The following CRPPA variants were observed in gnomAD, a reference collection of about 807,000 sequenced individuals.
The protein encoded by CRPPA is CDP-L-ribitol pyrophosphorylase A.
Under a neutral mutation model 52.0 loss-of-function variants are expected in CRPPA, and 43 were observed. The observed-to-expected ratio is 0.83, with a 90% CI of 0.65 to 1.07. The LOEUF is 1.07. CRPPA is among the 50% of genes least tolerant of loss of function. The pLI is 0.00. For missense variants in CRPPA, 629 were observed against 551.7 expected, an observed-to-expected ratio of 1.14 and a Z score of -1.40; for synonymous variants, 250 against 203.5, an observed-to-expected ratio of 1.23 and a Z score of -1.94.
intron 9 of CRPPA, among the ~76,000 whole-genome samples, chr7:16,124,926 AG>A (rs1782547145): frequency 6.6e-6 from 1 of 152,076 alleles, no homozygotes; most frequent in Non-Finnish European, 1.5e-5. Context: ...AAGACAAAAA[AG>A]AAAGAATAGC....
intron 3 of CRPPA, among the ~76,000 whole-genome samples, chr7:16,356,838 A>G (rs111857675): frequency 7.2e-5 from 11 of 152,200 alleles, no homozygotes; most frequent in African/African-American, 1.9e-4. Context: ...AGTTTTAACT[A>G]CATACTGAGC....
chr7:16,145,644 A>G (rs1782960814), intron 9 of CRPPA, among the ~76,000 whole-genome samples: 1 of 151,684 alleles, frequency 6.6e-6, no homozygotes. Flanking sequence ...AACTATCATA[A>G]AAAAAAAAAC....
chr7:16,419,017 T>C (rs1001246228), intron 1 of CRPPA, among the ~76,000 whole-genome samples: 1 of 152,228 alleles, frequency 6.6e-6, no homozygotes, highest in African/African-American at 2.4e-5. Context: ...AATGCCTTCA[T>C]ATATGAGCTA....
rs907684527 is a variant in CRPPA, at chr7:16,142,691, T to C, written c.1252-50892A>G. Among the ~76,000 whole-genome samples, 4 of 152,330 alleles carry C rather than the reference T, an allele frequency of 2.6e-5. No individual in the cohort carries two copies. The South Asian group carries it at 8.3e-4, about 32-fold the overall frequency. On this transcript the variant is annotated intron_variant, in intron 9 of 9. Coordinates refer to ENST00000407010, the MANE Select transcript of CRPPA (RefSeq NM_001101426.4). ...AAAATGCAACACCTAAACTGTAGTATAGATCTGTAATAATTCTCCCCATGA... is the reference window on the plus strand; with the variant it reads ...AAAATGCAACACCTAAACTGTAGTACAGATCTGTAATAATTCTCCCCATGA...
At chr7:16,216,867 G>A (rs939724756) in intron 8 of CRPPA, among the ~76,000 whole-genome samples, 4 of 152,152 alleles carry the variant, frequency 2.6e-5, no homozygotes, top group African/African-American at 9.6e-5. Flanking sequence ...CCGGGGGAGG[G>A]GCGCCCGCCA....
intron 2 of CRPPA, among the ~76,000 whole-genome samples, chr7:16,397,430 G>T (rs911408349): frequency 3.9e-5 from 6 of 152,186 alleles, no homozygotes; most frequent in African/African-American, 1.4e-4. Context: ...ACTGACACGT[G>T]TAACGTGTGA....
intron 9 of CRPPA, among the ~76,000 whole-genome samples, chr7:16,148,908 C>A (rs533184474): frequency 3.9e-5 from 6 of 152,138 alleles, no homozygotes; most frequent in South Asian, 2.1e-4. Flanking sequence ...TATATGTGTA[C>A]CAAAATATCA....
intron 2 of CRPPA, among the ~76,000 whole-genome samples, chr7:16,401,123 C>A (rs1787807388): frequency 6.6e-6 from 1 of 152,144 alleles, no homozygotes; most frequent in East Asian, 1.9e-4. Flanking sequence ...TGGTTCAAAG[C>A]CTCTAATCAC....
chr7:16,283,678 G>A (rs1784365394), intron 5 of CRPPA, among the ~76,000 whole-genome samples: 1 of 151,556 alleles, frequency 6.6e-6, no homozygotes, highest in African/African-American at 2.4e-5. Context: ...GGCAATAGGA[G>A]GATGGTGAGT....
chr7:16,297,760 A>G (rs2128422016), intron 5 of CRPPA, among the ~76,000 whole-genome samples: 1 of 152,308 alleles, frequency 6.6e-6, no homozygotes. Flanking sequence ...TATGCATCTT[A>G]AATTTCACCT....
intron 8 of CRPPA, among the ~76,000 whole-genome samples, chr7:16,225,920 C>A (rs1018382594): frequency 2.0e-5 from 3 of 151,370 alleles, no homozygotes; most frequent in Non-Finnish European, 4.4e-5. Context: ...GCAAAGTAAT[C>A]TTAAAAAAAC....
intron 6 of CRPPA, among the ~76,000 whole-genome samples, chr7:16,261,476 A>G (rs1037644544): frequency 6.6e-6 from 1 of 152,102 alleles, no homozygotes; most frequent in Non-Finnish European, 1.5e-5. Flanking sequence ...CATAATTAAC[A>G]TTAGACATTA....
At chr7:16,097,474 G>C (rs1255516060) in intron 9 of CRPPA, among the ~76,000 whole-genome samples, 1 of 152,078 alleles carries the variant, frequency 6.6e-6, no homozygotes, top group Non-Finnish European at 1.5e-5. Context: ...ATAATTTCAA[G>C]TTTAGGATGA....
chr7:16,403,482 G>C (rs1472631601), intron 2 of CRPPA, among the ~76,000 whole-genome samples: 2 of 152,040 alleles, frequency 1.3e-5, no homozygotes, highest in South Asian at 2.1e-4. Flanking sequence ...GATAATCACA[G>C]TGTAGCTTGT....
In CRPPA at chr7:16,199,716, G is replaced by A. The variant is rs145467452; in HGVS notation, c.1251+16350C>T. On this transcript the variant is annotated intron_variant, in intron 9 of 9. Coordinates refer to ENST00000407010, the MANE Select transcript of CRPPA (RefSeq NM_001101426.4). Reference sequence around the variant, plus strand: ...CTCTCACTTGAAGTATCTTTACACTGGCTAGAGAATTCACTACAGCAAATT... The same window carrying A: ...CTCTCACTTGAAGTATCTTTACACTAGCTAGAGAATTCACTACAGCAAATT... Among the ~76,000 whole-genome samples, 832 of 152,054 alleles carry A rather than the reference G, an allele frequency of 5.5e-3. 9 individuals are homozygous for A. Among genetic ancestry groups the A allele is most frequent in the Non-Finnish European group, 6.1e-3 (413 of 67,974 alleles).
intron 2 of CRPPA, among the ~76,000 whole-genome samples, chr7:16,386,566 A>G (rs889051953): frequency 6.6e-6 from 1 of 152,226 alleles, no homozygotes; most frequent in African/African-American, 2.4e-5. Flanking sequence ...TTAGTCTATA[A>G]CATATTGAAC....
At chr7:16,385,358 G>A (rs754050393) in intron 2 of CRPPA, among the ~76,000 whole-genome samples, 2 of 152,112 alleles carry the variant, frequency 1.3e-5, no homozygotes, top group Non-Finnish European at 2.9e-5. Context: ...ACACATCATA[G>A]TAAAAGTGCT....
intron 9 of CRPPA, among the ~76,000 whole-genome samples, chr7:16,095,271 T>G (rs1438137606): frequency 6.6e-6 from 1 of 152,218 alleles, no homozygotes; most frequent in Non-Finnish European, 1.5e-5. Context: ...AATATTCCTT[T>G]AATAAACTAT....
chr7:16,305,869 A>G (rs1158382748), intron 4 of CRPPA, among the ~76,000 whole-genome samples: 1 of 152,210 alleles, frequency 6.6e-6, no homozygotes, highest in African/African-American at 2.4e-5. Flanking sequence ...TGACAGAGCA[A>G]GACTCCGTCA....
Sources: gnomAD v4.1 joint callset for allele counts (sites outside exome capture counted in the v4.1 genomes callset) on GRCh38, gnomAD v4.1.1 for gene constraint, MANE v1.5 for transcripts, NCBI Gene and HGNC (gene_info 2026-07-23, HGNC 2026-07-21) for gene names.